NSD2: variants seen among roughly 807,000 people sequenced by gnomAD.
NSD2 encodes nuclear receptor binding SET domain protein 2.
A neutral mutation model predicts 139.0 loss-of-function variants in NSD2; 12 were observed. That is an observed-to-expected ratio of 0.09 (90% CI 0.06 to 0.14). The LOEUF is 0.14. NSD2 is among the 10% of genes least tolerant of loss of function. The pLI, the probability that NSD2 is intolerant of heterozygous loss-of-function variation, is 1.00. For synonymous variants in NSD2, 669 were observed against 648.7 expected, an observed-to-expected ratio of 1.03 and a Z score of -0.48; for missense variants, 1,155 against 1,745.0, an observed-to-expected ratio of 0.66 and a Z score of 6.02.
rs537283972 is a variant in NSD2, at chr4:1,943,408, T to C, written c.1881+3630T>C. 2,577 of 1,041,786 alleles carry C rather than the reference T, an allele frequency of 2.5e-3. 6 individuals carry two copies. Among genetic ancestry groups the C allele is most frequent in the Non-Finnish European group, 2.7e-3 (2,367 of 864,226 alleles). 64.5% of individuals were successfully genotyped at this position (1,041,786 alleles called of 1,614,324 possible). On this transcript the variant is annotated intron_variant, in intron 9 of 21. Transcript: ENST00000508803. ...TGGTTTCCTGTTGTGACAGTAATAA[T>C]GGTTATAATAATAAAAATGATAAAA...
At position 1,919,705 on chromosome 4, in the gene NSD2, G is replaced by A. The variant is rs141714369; in HGVS notation, c.1410+1082G>A. ...TCCCAACACTTTGGGAAGCTGAGGC[G>A]GGTGGATCATGAGGTCAGGAATTTG... On this transcript the variant is annotated intron_variant, in intron 5 of 21. Transcript: ENST00000508803. 4.8e-3 allele frequency among the ~76,000 whole-genome samples: 724 copies of A among 152,142 alleles called. 4 individuals are homozygous for A. Among genetic ancestry groups the A allele is most frequent in the African/African-American group, 0.016 (678 of 41,508 alleles).
intron 15 of NSD2, 105 bp from the exon 16 acceptor site, chr4:1,957,828 T>G (rs75942149): frequency 0.011 from 11,751 of 1,093,462 alleles, 400 homozygotes; most frequent in African/African-American, 0.11. Context: ...AACCAGAAAC[T>G]ATACTTAACA....
rs1032330057 is a variant in NSD2 at position 1,981,592 on chromosome 4, G to GA, written c.*2686dup. The GA allele has an allele frequency of 3.0e-5, 11 of 360,756 alleles. No homozygotes were observed. Among genetic ancestry groups the GA allele is most frequent in the Admixed American group, 1.9e-4 (4 of 21,444 alleles). The allele number at this position is 360,756 out of a possible 1,614,324, so 22.3% of individuals were successfully genotyped here. A position where few individuals can be genotyped will look rare whatever the true frequency, so the allele number is the denominator to read the frequency against. ...GCTTAAAATGTGGTCACCTGTGGGG[G>GA]AAACTCTTCAGGCACCTGAAGTGAG... is the stretch of plus-strand genomic sequence containing the variant. On this transcript the variant is annotated 3_prime_UTR_variant, in exon 22 of 22. Coordinates refer to ENST00000508803, the MANE Select transcript of NSD2 (RefSeq NM_001042424.3).
rs548406849 is a variant in NSD2, at chr4:1,974,651, C to T, written c.3373-212C>T. On this transcript the variant is annotated intron_variant, in intron 18 of 21. Coordinates refer to ENST00000508803, the MANE Select transcript of NSD2 (RefSeq NM_001042424.3). The surrounding 1 kb of genome is among the most constrained non-coding windows in gnomAD (Gnocchi z 4.0). ...GTCCTCCCCGGCGCTCACTAAGGCT[C>T]GGTCCTCTCCACGTGGTCCTGACCT... The T allele has an allele frequency of 1.1e-4, 86 of 759,218 alleles. No homozygotes were observed. The highest frequency in any genetic ancestry group is 9.5e-4 in the South Asian group (70 of 73,562). The allele number at this position is 759,218 out of a possible 1,614,324, so 47.0% of individuals were successfully genotyped here. A position where few individuals can be genotyped will look rare whatever the true frequency, so the allele number is the denominator to read the frequency against.
intron 7 of NSD2, among the ~76,000 whole-genome samples, chr4:1,937,407 G>A (rs2108885608): frequency 6.6e-6 from 1 of 152,228 alleles, no homozygotes; most frequent in Non-Finnish European, 1.5e-5. Context: ...GAAACTGGTT[G>A]TTTTGAAATA....
intron 1 of NSD2, among the ~76,000 whole-genome samples, chr4:1,881,485 G>A (rs879521650): frequency 2.6e-5 from 4 of 152,170 alleles, no homozygotes; most frequent in East Asian, 1.9e-4. Context: ...GGATGGTCTC[G>A]ATCTCCTGAC....
intron 5 of NSD2, among the ~76,000 whole-genome samples, chr4:1,921,713 C>T (rs574373817): frequency 6.6e-5 from 9 of 137,220 alleles, no homozygotes; most frequent in South Asian, 4.8e-4. Flanking sequence ...ACCTGGGAGA[C>T]GGAGGTTGCA....
chr4:1,948,314 C>G lies in NSD2; in HGVS notation c.1882-2758C>G. The G allele has an allele frequency of 9.4e-7, 1 of 1,065,566 alleles. No individual in the cohort carries two copies. Among genetic ancestry groups the G allele is most frequent in the Non-Finnish European group, 1.1e-6 (1 of 878,510 alleles). The allele number at this position is 1,065,566 out of a possible 1,614,324, so 66.0% of individuals were successfully genotyped here. A position where few individuals can be genotyped will look rare whatever the true frequency, so the allele number is the denominator to read the frequency against. On this transcript the variant is annotated intron_variant, in intron 9 of 21. Transcript: ENST00000508803. The surrounding 1 kb of genome is among the most constrained non-coding windows in gnomAD (Gnocchi z 4.5). ...GCATCTCGTTGGATATGGAATAGATCGTAGATGTTGTAGACTGAGATTTGG... is the reference window on the plus strand; with the variant it reads ...GCATCTCGTTGGATATGGAATAGATGGTAGATGTTGTAGACTGAGATTTGG...
At position 1,956,217 on chromosome 4, in the gene NSD2, A is replaced by G; in HGVS notation, c.2881+29A>G. The G allele has an allele frequency of 6.5e-7, 1 of 1,532,820 alleles. No homozygotes were observed. Among genetic ancestry groups the G allele is most frequent in the South Asian group, 1.2e-5 (1 of 82,094 alleles). 95.0% of individuals were successfully genotyped at this position (1,532,820 alleles called of 1,614,324 possible). A position where few individuals can be genotyped will look rare whatever the true frequency, so the allele number is the denominator to read the frequency against. On this transcript the variant is annotated intron_variant, in intron 15 of 21. Coordinates refer to ENST00000508803, the MANE Select transcript of NSD2 (RefSeq NM_001042424.3). The surrounding 1 kb of genome is among the most constrained non-coding windows in gnomAD (Gnocchi z 5.3). Reference sequence around the variant, plus strand: ...CGGAGATATTCAGATAGAGAGTGAGACAGCACTCTCGTGCATTTTCTTACC... The same window carrying G: ...CGGAGATATTCAGATAGAGAGTGAGGCAGCACTCTCGTGCATTTTCTTACC...
At position 1,941,121 on chromosome 4, in the gene NSD2, A is replaced by G. The variant is rs1015769004; in HGVS notation, c.1881+1343A>G. 2.4e-5 allele frequency: 25 copies of G among 1,054,800 alleles called. No homozygotes were observed. In the African/African-American group the frequency reaches 3.8e-4, roughly 16 times the overall value. 65.3% of individuals were successfully genotyped at this position (1,054,800 alleles called of 1,614,324 possible). ...TGAAATATGAAAAGGCAAATTTTAT[A>G]CAAATTATTTTTCCTTTTTCCTTTC... On this transcript the variant is annotated intron_variant, in intron 9 of 21. Coordinates refer to ENST00000508803, the MANE Select transcript of NSD2 (RefSeq NM_001042424.3).
chr4:1,906,859 C>A (rs1029141489), intron 3 of NSD2, among the ~76,000 whole-genome samples: 1 of 151,512 alleles, frequency 6.6e-6, no homozygotes, highest in African/African-American at 2.4e-5. Context: ...TGGGGTTTCA[C>A]CATATTGGCC....
At chr4:1,951,253 C>T in intron 10 of NSD2, 50 bp downstream of exon 10, 1 of 1,607,126 alleles carries the variant, frequency 6.2e-7, no homozygotes, top group Non-Finnish European at 8.5e-7. Context: ...CTGACTGGGG[C>T]CCCGGTACGC....
At chr4:1,975,122 G>T (rs1726933666) in intron 19 of NSD2, 118 bp downstream of exon 19, 1 of 1,517,496 alleles carries the variant, frequency 6.6e-7, no homozygotes, top group Non-Finnish European at 9.0e-7. Context: ...CTGATGTGGA[G>T]TCTCTTTTGG....
At chr4:1,961,548 G>A (rs1475900121) in intron 18 of NSD2, among the ~76,000 whole-genome samples, 1 of 152,218 alleles carries the variant, frequency 6.6e-6, no homozygotes, top group East Asian at 1.9e-4. Context: ...TCTCTGTTGT[G>A]TAGCAGAATC....
In NSD2 at chr4:1,974,348, T is replaced by G. The variant is rs1361352603; in HGVS notation, c.3373-515T>G. ...GCCTCAGCCTCCCGAGTAGCTGAGA[T>G]TACAGGCAGCCACCACCACGCCCAG... is the stretch of plus-strand genomic sequence containing the variant. On this transcript the variant is annotated intron_variant, in intron 18 of 21. Coordinates refer to ENST00000508803, the MANE Select transcript of NSD2 (RefSeq NM_001042424.3). The surrounding 1 kb of genome is among the most constrained non-coding windows in gnomAD (Gnocchi z 4.0). 6.6e-6 allele frequency among the ~76,000 whole-genome samples: 1 copy of G among 152,058 alleles called. No individual in the cohort carries two copies. The highest frequency in any genetic ancestry group is 3.2e-3 in the Middle Eastern group (1 of 316).
In NSD2 at chr4:1,951,507, CACACACACACACACACAA is replaced by C. The variant is rs1418942532; in HGVS notation, c.2013+306_2013+323del. On this transcript the variant is annotated intron_variant, in intron 10 of 21. Transcript: ENST00000508803. ...ACACACACACACACACACACACACA[CACACACACACACACACAA>C]AGTTCCTGTTGGAAAAGGTGAGGTG... 1.6e-3 allele frequency among the ~76,000 whole-genome samples: 205 copies of C among 127,950 alleles called. 2 individuals carry two copies. The highest frequency in any genetic ancestry group is 2.3e-3 in the Admixed American group (28 of 12,220). 83.9% of individuals were successfully genotyped at this position (127,950 alleles called of 152,430 possible).
chr4:1,889,846 A>G (rs1577366055), intron 1 of NSD2, among the ~76,000 whole-genome samples: 1 of 151,572 alleles, frequency 6.6e-6, no homozygotes, highest in South Asian at 2.1e-4. Context: ...TTCACATAAC[A>G]TTTATTGTTT....
At chr4:1,874,237 C>T (rs2108880582) in intron 1 of NSD2, among the ~76,000 whole-genome samples, 1 of 152,244 alleles carries the variant, frequency 6.6e-6, no homozygotes, top group Non-Finnish European at 1.5e-5. Flanking sequence ...TCTTCTGAGC[C>T]TCAGTCTCTT....
intron 3 of NSD2, among the ~76,000 whole-genome samples, chr4:1,911,511 C>CCAGGAGACAGAGG (rs1311323734): frequency 6.7e-6 from 1 of 149,182 alleles, no homozygotes; most frequent in Non-Finnish European, 1.5e-5. Context: ...TCGCTTGAGC[C>CCAGGAGACAGAGG]CAGGAGACAG....
Sources: allele counts gnomAD v4.1 joint callset (sites outside exome capture counted in the v4.1 genomes callset), GRCh38; gene constraint gnomAD v4.1.1; non-coding constraint Gnocchi (gnomAD v3.1); transcripts MANE v1.5; gene names NCBI Gene and HGNC (gene_info 2026-07-23, HGNC 2026-07-21).